Variants in CLSTN2 observed in about 807,000 individuals in gnomAD.
CLSTN2 encodes calsyntenin-2.
CLSTN2 carries 48 observed loss-of-function variants against 101.2 expected under a neutral mutation model. The ratio of observed to expected loss-of-function variants is 0.47; its 90% confidence interval spans 0.38 to 0.60. The LOEUF is 0.60. Ranked by LOEUF, CLSTN2 falls within the 20% of genes least tolerant of loss-of-function variation. CLSTN2 has a pLI of 0.00. For synonymous variants in CLSTN2, 481 were observed against 463.6 expected (o/e 1.04, Z -0.48); for missense variants, 1,160 against 1,238.2 (o/e 0.94, Z 0.95).
intron 2 of CLSTN2, among the ~76,000 whole-genome samples, chr3:140,397,821 G>C (rs2088199920): frequency 1.3e-5 from 2 of 152,158 alleles, no homozygotes; most frequent in South Asian, 4.1e-4. Context: ...CTTGTGCTTT[G>C]AATCTTTTAC....
intron 1 of CLSTN2, among the ~76,000 whole-genome samples, chr3:139,959,234 G>C (rs571593407): frequency 8.5e-5 from 13 of 152,228 alleles, no homozygotes; most frequent in Non-Finnish European, 1.6e-4. Context: ...TGTGGAGACC[G>C]TGTCTCCTTC....
chr3:140,076,625 G>GTTTT (rs35645750), intron 1 of CLSTN2, among the ~76,000 whole-genome samples: 642 of 38,072 alleles, frequency 0.017, 94 homozygotes, highest in East Asian at 0.048. Context: ...CACCAGCAGT[G>GTTTT]TTTTTTTTTT....
intron 2 of CLSTN2, among the ~76,000 whole-genome samples, chr3:140,209,172 T>A (rs2107845570): frequency 6.6e-6 from 1 of 152,314 alleles, no homozygotes; most frequent in East Asian, 1.9e-4. Flanking sequence ...GATGTATGCA[T>A]TATGATTGTC....
chr3:140,497,100 C>CAAA (rs57659394), intron 8 of CLSTN2, among the ~76,000 whole-genome samples: 6,725 of 87,802 alleles, frequency 0.077, 383 homozygotes, highest in East Asian at 0.26. Context: ...GACTCCGTCT[C>CAAA]AAAAAAAAAA....
chr3:139,952,746 C>T (rs144411517), intron 1 of CLSTN2, among the ~76,000 whole-genome samples: 38 of 152,276 alleles, frequency 2.5e-4, no homozygotes, highest in Non-Finnish European at 5.0e-4. Context: ...ATTTCACCGT[C>T]GTCTCACCTT....
chr3:140,153,547 G>A (rs1431772435), intron 1 of CLSTN2, among the ~76,000 whole-genome samples: 1 of 152,260 alleles, frequency 6.6e-6, no homozygotes, highest in Non-Finnish European at 1.5e-5. Flanking sequence ...TGTGTATGTT[G>A]TAGACAGTGG....
chr3:140,556,948 G>T, intron 11 of CLSTN2: 1 of 360,442 alleles, frequency 2.8e-6, no homozygotes. Flanking sequence ...CTAGGAATTT[G>T]AAGTGATCTG....
chr3:139,963,338 C>G (rs1935542205), intron 1 of CLSTN2, among the ~76,000 whole-genome samples: 1 of 152,088 alleles, frequency 6.6e-6, no homozygotes, highest in Non-Finnish European at 1.5e-5. Context: ...TTTTTTCTCT[C>G]TCTCTCTCTT....
chr3:140,180,655 G>C (rs2010394423), intron 2 of CLSTN2, among the ~76,000 whole-genome samples: 2 of 152,294 alleles, frequency 1.3e-5, no homozygotes, highest in East Asian at 3.9e-4. Flanking sequence ...TTTCAGAGAT[G>C]ATAGAACTGC....
chr3:140,269,723 A>G (rs1325040929), intron 2 of CLSTN2, among the ~76,000 whole-genome samples: 1 of 152,160 alleles, frequency 6.6e-6, no homozygotes, highest in Non-Finnish European at 1.5e-5. Flanking sequence ...ACTGTGTGAG[A>G]TGTAGCTCCT....
intron 1 of CLSTN2, among the ~76,000 whole-genome samples, chr3:140,173,387 G>T (rs2010269466): frequency 6.6e-6 from 1 of 152,206 alleles, no homozygotes. Context: ...GCAGGGTACA[G>T]CCTCCCTCCC....
intron 1 of CLSTN2, among the ~76,000 whole-genome samples, chr3:140,057,944 A>G (rs2008130102): frequency 6.6e-6 from 1 of 152,190 alleles, no homozygotes; most frequent in South Asian, 2.1e-4. Flanking sequence ...AAGGCAAGAG[A>G]TGATTTTCTG....
intron 1 of CLSTN2, among the ~76,000 whole-genome samples, chr3:140,117,534 T>A (rs567557598): frequency 6.6e-6 from 1 of 152,228 alleles, no homozygotes; most frequent in East Asian, 1.9e-4. Flanking sequence ...CTAGCCCTCA[T>A]GGAAGGGAGC....
intron 8 of CLSTN2, among the ~76,000 whole-genome samples, chr3:140,509,331 G>A (rs1934751578): frequency 6.6e-6 from 1 of 152,144 alleles, no homozygotes; most frequent in Non-Finnish European, 1.5e-5. Flanking sequence ...ACCACCTGGA[G>A]GGCTTATTGA....
chr3:140,242,799 G>A (rs1003561249), intron 2 of CLSTN2, among the ~76,000 whole-genome samples: 1 of 152,208 alleles, frequency 6.6e-6, no homozygotes, highest in African/African-American at 2.4e-5. Context: ...TGGAGGAAAA[G>A]TGCTCACTTC....
intron 8 of CLSTN2, among the ~76,000 whole-genome samples, chr3:140,489,920 C>T (rs965908829): frequency 6.7e-6 from 1 of 149,170 alleles, no homozygotes; most frequent in African/African-American, 2.5e-5. Flanking sequence ...CGTCTAGGGT[C>T]CCGGACAGGT....
chr3:140,421,866 T>C (rs1345324038), intron 5 of CLSTN2, among the ~76,000 whole-genome samples: 2 of 152,150 alleles, frequency 1.3e-5, no homozygotes, highest in African/African-American at 4.8e-5. Flanking sequence ...TAGATAACAG[T>C]TTATCACTGA....
intron 2 of CLSTN2, among the ~76,000 whole-genome samples, chr3:140,241,830 CACATATATATAT>C (rs1335898813): frequency 6.8e-6 from 1 of 147,540 alleles, no homozygotes; most frequent in African/African-American, 2.5e-5. Context: ...TATATACACA[CACATATATATAT>C]ACATATATAT....
chr3:140,136,099 C>G (rs2009612190), intron 1 of CLSTN2, among the ~76,000 whole-genome samples: 1 of 152,156 alleles, frequency 6.6e-6, no homozygotes, highest in Non-Finnish European at 1.5e-5. Flanking sequence ...TGCCTATCAG[C>G]CACAGCTGCC....
Sources: gnomAD v4.1 joint callset for allele counts (sites outside exome capture counted in the v4.1 genomes callset) on GRCh38, gnomAD v4.1.1 for gene constraint, MANE v1.5 for transcripts, NCBI Gene and HGNC (gene_info 2026-07-23, HGNC 2026-07-21) for gene names.